CRLF2: variants seen among roughly 807,000 people sequenced by gnomAD.
CRLF2 encodes the protein cytokine receptor-like factor 2.
A neutral mutation model predicts 38.7 loss-of-function variants in CRLF2; 41 were observed. The ratio of observed to expected loss-of-function variants is 1.06; its 90% CI spans 0.83 to 1.37. CRLF2 has a LOEUF of 1.37. Ranked by LOEUF, CRLF2 falls within the 40% of genes most tolerant of loss-of-function variation. The pLI is 0.00. For missense variants in CRLF2, 377 were observed against 322.2 expected (o/e 1.17, Z -1.30); for synonymous variants, 140 against 128.8 (o/e 1.09, Z -0.59).
chrX:1,192,752 CTTT>C (rs2086414426), intron 7 of CRLF2, among the ~76,000 whole-genome samples: 1,785 of 118,286 alleles, frequency 0.015, 25 homozygotes, highest in Non-Finnish European at 0.022. Context: ...TTCTTTCTTT[CTTT>C]CTTTCTTTCT....
chrX:1,198,740 C>CAT lies in CRLF2; in HGVS notation c.484-17_484-16insAT, dbSNP rs1366148426. On this transcript the variant is annotated splice_polypyrimidine_tract_variant and intron_variant, in intron 4 of 7. Transcript: ENST00000400841. ...CCTGTTTGGACTGGAGAAACATACA[C>CAT]ACACACACACACACACACACACACA... 126,441 of 732,966 alleles carry CAT rather than the reference C, an allele frequency of 0.17. 13,156 individuals carry two copies. The highest frequency in any genetic ancestry group is 0.22 in the Admixed American group (8,621 of 39,616). The allele number at this position is 732,966 out of a possible 1,614,324, so 45.4% of individuals were successfully genotyped here.
intron 4 of CRLF2, among the ~76,000 whole-genome samples, chrX:1,201,702 TTAGA>T (rs1438858910): frequency 5.3e-5 from 8 of 151,050 alleles, no homozygotes; most frequent in East Asian, 3.9e-4. Flanking sequence ...TAGATGATAC[TTAGA>T]TAGATAGAGA....
Position 1,202,664 on chromosome X carries a change from C to T in CRLF2, c.350-129G>A, listed in dbSNP as rs2086629121. On this transcript the variant is annotated intron_variant, in intron 3 of 7. Transcript: ENST00000400841. Reference sequence around the variant, plus strand: ...ACCTTATGGTGTCTCGGGGTTCACCCGTCCTCATTACTTTTATAGGAGAAG... The same window carrying T: ...ACCTTATGGTGTCTCGGGGTTCACCTGTCCTCATTACTTTTATAGGAGAAG... The T allele has an allele frequency of 2.1e-5, 22 of 1,068,526 alleles. 1 individual carries two copies. Among genetic ancestry groups the T allele is most frequent in the Admixed American group, 3.9e-5 (2 of 51,102 alleles). The allele number at this position is 1,068,526 out of a possible 1,614,324, so 66.2% of individuals were successfully genotyped here.
At position 1,198,622 on chromosome X, in the gene CRLF2, G is replaced by C. The variant is rs376511428; in HGVS notation, c.586C>G (p.Pro196Ala). The change falls in exon 5 of 8, where the codon CCA becomes GCA. Residue 196 changes from proline (P) to alanine (A), a missense_variant. Pro to Ala is a conservative substitution (Grantham distance 27, BLOSUM62 -1). Coordinates refer to ENST00000400841, the MANE Select transcript of CRLF2 (RefSeq NM_022148.4). ...GACCAGTCGCTTGGGTATGTGTCTG[G>C]CCCATATACATCCTCCATAGCCTTC... ...RVKAMEDVYG[P>A]DTYPSDWSEV... 4 of 1,613,614 alleles carry C rather than the reference G, an allele frequency of 2.5e-6. No homozygotes were observed. Among genetic ancestry groups the C allele is most frequent in the Non-Finnish European group, 3.4e-6 (4 of 1,179,684 alleles).
At chrX:1,197,131 T>C (rs1186354469) in intron 5 of CRLF2, among the ~76,000 whole-genome samples, 1 of 148,470 alleles carries the variant, frequency 6.7e-6, no homozygotes, top group Non-Finnish European at 1.5e-5. Context: ...CTCACTCTGT[T>C]GCCCAGGCTG....
chrX:1,201,528 G>GACAGATGATAC (rs2086606976), intron 4 of CRLF2, among the ~76,000 whole-genome samples: 1 of 147,310 alleles, frequency 6.8e-6, no homozygotes, highest in South Asian at 2.2e-4. Flanking sequence ...ATGAGAGAGA[G>GACAGATGATAC]ATAGATGATA....
Position 1,202,543 on chromosome X carries a change from G to A in CRLF2, c.350-8C>T. 2 of 1,613,686 alleles carry A rather than the reference G, an allele frequency of 1.2e-6. No individual in the cohort carries two copies. Among genetic ancestry groups the A allele is most frequent in the African/African-American group, 1.3e-5 (1 of 75,028 alleles). Reference sequence around the variant, plus strand: ...TCGGGGAACTGGGTTTCACTGAGAAGAAGAAATAACGGAAGCGACGTCCCT... The same window carrying A: ...TCGGGGAACTGGGTTTCACTGAGAAAAAGAAATAACGGAAGCGACGTCCCT... On this transcript the variant is annotated splice_polypyrimidine_tract_variant and splice_region_variant and intron_variant, in intron 3 of 7. Coordinates refer to ENST00000400841, the MANE Select transcript of CRLF2 (RefSeq NM_022148.4).
chrX:1,209,856 C>A (rs1475439988), intron 1 of CRLF2, among the ~76,000 whole-genome samples: 1 of 151,822 alleles, frequency 6.6e-6, no homozygotes, highest in Non-Finnish European at 1.5e-5. Flanking sequence ...GTAATCTTAA[C>A]ACTGGGAGGC....
chrX:1,203,507 C>T (rs1174343854), intron 3 of CRLF2, among the ~76,000 whole-genome samples: 2 of 151,832 alleles, frequency 1.3e-5, no homozygotes, highest in Non-Finnish European at 2.9e-5. Flanking sequence ...GGTGAAGGAC[C>T]TTGAGGTGAG....
chrX:1,199,066 T>A, intron 4 of CRLF2: 2 of 409,774 alleles, frequency 4.9e-6, no homozygotes, highest in South Asian at 3.8e-5. Flanking sequence ...GGAGAATCGC[T>A]TGAACCTGGG....
chrX:1,209,107 A>G (rs751031819), intron 1 of CRLF2, among the ~76,000 whole-genome samples, 199 bp from the exon 2 acceptor site: 1 of 150,904 alleles, frequency 6.6e-6, no homozygotes, highest in African/African-American at 2.4e-5. Flanking sequence ...AGCCGGGATT[A>G]CAGGCACCTG....
intron 3 of CRLF2, among the ~76,000 whole-genome samples, chrX:1,206,139 T>C (rs1192286345): frequency 1.2e-4 from 18 of 151,966 alleles, no homozygotes; most frequent in Non-Finnish European, 2.4e-4. Context: ...TCCGACGATT[T>C]ACGTGAGCTT....
chrX:1,197,093 C>CT (rs371615837), intron 5 of CRLF2, among the ~76,000 whole-genome samples, 193 bp from the exon 6 acceptor site: 17,751 of 118,236 alleles, frequency 0.15, 1,695 homozygotes, highest in East Asian at 0.3. Flanking sequence ...AAATCTTTTA[C>CT]TTTTTTTTTT....
At chrX:1,209,451 C>G (rs1341638168) in intron 1 of CRLF2, among the ~76,000 whole-genome samples, 2 of 151,812 alleles carry the variant, frequency 1.3e-5, no homozygotes, top group Non-Finnish European at 2.9e-5. Context: ...CCTGCCTCAG[C>G]CTCCCGAGTA....
chrX:1,208,206 A>T (rs774304129), intron 2 of CRLF2, among the ~76,000 whole-genome samples: 8 of 152,280 alleles, frequency 5.3e-5, no homozygotes, highest in African/African-American at 1.9e-4. Context: ...GATAAGACTT[A>T]AAGTTCACCC....
chrX:1,202,175 C>A (rs1439125999), intron 4 of CRLF2, among the ~76,000 whole-genome samples: 1 of 152,054 alleles, frequency 6.6e-6, no homozygotes, highest in African/African-American at 2.4e-5. Flanking sequence ...GATAGACAGA[C>A]AGACAGACAT....
At chrX:1,206,195 C>T (rs1323846372) in intron 3 of CRLF2, among the ~76,000 whole-genome samples, 4 of 151,984 alleles carry the variant, frequency 2.6e-5, no homozygotes, top group Admixed American at 1.3e-4. Flanking sequence ...GAAAACTATG[C>T]TGAGCTTCCT....
intron 2 of CRLF2, among the ~76,000 whole-genome samples, chrX:1,207,857 C>A (rs2086720629): frequency 6.6e-6 from 1 of 152,046 alleles, no homozygotes; most frequent in Admixed American, 6.6e-5. Flanking sequence ...ACCATGTTGG[C>A]CAGGATGGTC....
chrX:1,201,701 C>G (rs2086611966), intron 4 of CRLF2, among the ~76,000 whole-genome samples: 1 of 150,816 alleles, frequency 6.6e-6, no homozygotes, highest in East Asian at 2.0e-4. Context: ...ATAGATGATA[C>G]TTAGATAGAT....
Sources: gnomAD v4.1 joint callset for allele counts (sites outside exome capture counted in the v4.1 genomes callset) on GRCh38, gnomAD v4.1.1 for gene constraint, MANE v1.5 for transcripts, NCBI Gene and HGNC (gene_info 2026-07-23, HGNC 2026-07-21) for gene names.